The following TRMT1 variants were observed in gnomAD, a reference collection of about 807,000 sequenced individuals.
TRMT1 encodes tRNA (guanine(26)-N(2))-dimethyltransferase.
In TRMT1, 63 loss-of-function variants were observed where a neutral mutation model predicts 75.4. The observed-to-expected ratio is 0.84, with a 90% CI of 0.68 to 1.03. TRMT1 has a LOEUF of 1.03. TRMT1 is among the 50% of genes least tolerant of loss of function. The pLI, the probability that TRMT1 is intolerant of heterozygous loss-of-function variation, is 0.00. For missense variants in TRMT1, 870 were observed against 905.3 expected, an observed-to-expected ratio of 0.96 and a Z score of 0.50; for synonymous variants, 382 against 358.1, an observed-to-expected ratio of 1.07 and a Z score of -0.75.
rs1409036144 is a variant in TRMT1 at position 13,115,387 on chromosome 19, C to T, written c.533G>A (p.Arg178Lys). Residue 178 changes from arginine (R) to lysine (K), a missense_variant, in exon 5 of 17, where the codon AGA becomes AAA. By Grantham distance (26) the Arg-to-Lys change is conservative (BLOSUM62 2). Coordinates refer to ENST00000357720, the MANE Select transcript of TRMT1 (RefSeq NM_001136035.4). ...GGAGGCATCGTTTGCAACCACAGAT[C>T]TGAGCCCAGGCACCTCTAGGGCAAA... ...IRFALEVPGL[R>K]SVVANDASTR... 1.2e-6 allele frequency: 2 copies of T among 1,614,138 alleles called. No individual in the cohort carries two copies. The highest frequency in any genetic ancestry group is 2.2e-5 in the South Asian group (2 of 91,084).
chr19:13,113,877 T>C (rs1239521307), intron 5 of TRMT1, among the ~76,000 whole-genome samples: 2 of 152,146 alleles, frequency 1.3e-5, no homozygotes, highest in African/African-American at 2.4e-5. Context: ...TCCAAAGTGC[T>C]GGGATTACAG....
Position 13,107,774 on chromosome 19 carries a change from G to C in TRMT1, c.1483C>G (p.Leu495Val). 3 of 1,553,470 alleles carry C rather than the reference G, an allele frequency of 1.9e-6. No homozygotes were observed. The highest frequency in any genetic ancestry group is 2.6e-6 in the Non-Finnish European group (3 of 1,147,724). The stretch of plus-strand genomic sequence containing the variant: ...ACCCAGCAACGCATGATGTCCCAGA[G>C]GGCAGAGGCAGGGGCATCCGTCTTC... ...AVKTDAPASA[L>V]WDIMRCWEKE... Residue 495 changes from leucine to valine, a missense_variant, in exon 13 of 17, where the codon CTC becomes GTC. Coordinates refer to ENST00000357720, the MANE Select transcript of TRMT1 (RefSeq NM_001136035.4).
chr19:13,109,083 T>TGG (rs201503471), intron 12 of TRMT1, among the ~76,000 whole-genome samples: 2,252 of 147,482 alleles, frequency 0.015, 49 homozygotes, highest in African/African-American at 0.056. Context: ...GCCAGGCTAA[T>TGG]GGGTGTGTGT....
At chr19:13,105,932 G>A (rs2018848025) in intron 14 of TRMT1, among the ~76,000 whole-genome samples, 1 of 152,032 alleles carries the variant, frequency 6.6e-6, no homozygotes, top group Non-Finnish European at 1.5e-5. Flanking sequence ...CGTGGTGCCG[G>A]GTGCCTGTGA....
intron 5 of TRMT1, among the ~76,000 whole-genome samples, chr19:13,113,707 T>A (rs1212662009): frequency 5.9e-5 from 9 of 151,986 alleles, no homozygotes. Flanking sequence ...CCTCCTGGGT[T>A]CAAGCGATTC....
chr19:13,107,923 C>G, intron 12 of TRMT1, 64 bp from the exon 13 acceptor site: 1 of 1,387,144 alleles, frequency 7.2e-7, no homozygotes. Context: ...CCAAGCTGAC[C>G]AGCGTAGGTA....
At position 13,116,364 on chromosome 19, in the gene TRMT1, GA is replaced by G. The variant is rs1352655452; in HGVS notation, c.35del (p.Phe12SerfsTer73). On this transcript the variant is annotated frameshift_variant, in exon 2 of 17. Coordinates refer to ENST00000357720, the MANE Select transcript of TRMT1 (RefSeq NM_001136035.4). LOFTEE classifies it high-confidence loss of function. ...CTCTAGAGAGCACCCGGGCGGAGCG[GA>G]AAGTGAGGCTTAGCCACAGAGACGA... is the stretch of plus-strand genomic sequence containing the variant. ...QGSSLWLSLT[F>X]RSARVLSRAR... 1 of 1,611,452 alleles carries G rather than the reference GA, an allele frequency of 6.2e-7. No individual in the cohort carries two copies. Among genetic ancestry groups the G allele is most frequent in the African/African-American group, 1.3e-5 (1 of 74,906 alleles).
intron 4 of TRMT1, 64 bp downstream of exon 4, chr19:13,115,562 C>A (rs1202612565): frequency 6.8e-6 from 11 of 1,607,878 alleles, no homozygotes; most frequent in South Asian, 6.6e-5. Flanking sequence ...TAGCTCTCCC[C>A]CTCCAGGAGC....
chr19:13,114,618 C>T (rs972962808), intron 5 of TRMT1, among the ~76,000 whole-genome samples: 4 of 151,608 alleles, frequency 2.6e-5, no homozygotes, highest in African/African-American at 9.7e-5. Flanking sequence ...GCCAAGATCA[C>T]GCTAGTGCAC....
Position 13,116,699 on chromosome 19 carries a change from C to T in TRMT1, c.-79G>A. Reference sequence around the variant, plus strand: ...ACCGAATTAGTCAAGGTGCACGTTTCCCGAATTAGGACCTGGGCGCCGCCA... The same window carrying T: ...ACCGAATTAGTCAAGGTGCACGTTTTCCGAATTAGGACCTGGGCGCCGCCA... On this transcript the variant is annotated 5_prime_UTR_variant, in exon 1 of 17. Coordinates refer to ENST00000357720, the MANE Select transcript of TRMT1 (RefSeq NM_001136035.4). The T allele has an allele frequency of 2.5e-6, 1 of 407,752 alleles. No homozygotes were observed. Among genetic ancestry groups the T allele is most frequent in the Non-Finnish European group, 4.4e-6 (1 of 225,104 alleles). 25.3% of individuals were successfully genotyped at this position (407,752 alleles called of 1,614,324 possible).
chr19:13,109,124 A>G (rs2019015483), intron 12 of TRMT1, among the ~76,000 whole-genome samples: 6 of 149,668 alleles, frequency 4.0e-5, no homozygotes, highest in African/African-American at 1.5e-4. Context: ...ATACGTATGT[A>G]TGTGTGTGTA....
At chr19:13,112,565 C>A in intron 7 of TRMT1, 140 bp downstream of exon 7, 1 of 722,270 alleles carries the variant, frequency 1.4e-6, no homozygotes, top group South Asian at 1.8e-5. Flanking sequence ...ACACGCCTGT[C>A]GTTAACAGCC....
intron 12 of TRMT1, among the ~76,000 whole-genome samples, chr19:13,108,865 C>T (rs1037279187): frequency 6.6e-6 from 1 of 152,134 alleles, no homozygotes; most frequent in East Asian, 1.9e-4. Flanking sequence ...CCACCTCAGC[C>T]TCCCAAAGTG....
rs546559796 is a variant in TRMT1 at position 13,110,161 on chromosome 19, G to A, written c.1016C>T (p.Ala339Val). The change falls in exon 8 of 17, where the codon GCC becomes GTC. Residue 339 changes from alanine (A) to valine (V), a missense_variant. Physicochemically the swap from Ala to Val is moderately conservative, Grantham distance 64. Coordinates refer to ENST00000357720, the MANE Select transcript of TRMT1 (RefSeq NM_001136035.4). ...FTGQAKVKASASKQALVFQCV... is the reference protein window; with the variant it reads ...FTGQAKVKASVSKQALVFQCV... ...CGCTCTCTGCCCCCGGGCTGACCTGGCTGAGGCCTTGACCTTGGCCTGGCC... is the reference window on the plus strand; with the variant it reads ...CGCTCTCTGCCCCCGGGCTGACCTGACTGAGGCCTTGACCTTGGCCTGGCC... 6.2e-7 allele frequency: 1 copy of A among 1,612,208 alleles called. No homozygotes were observed. Among genetic ancestry groups the A allele is most frequent in the South Asian group, 1.1e-5 (1 of 90,992 alleles).
In TRMT1 at chr19:13,109,595, G is replaced by A. The variant is rs1318919165; in HGVS notation, c.1266C>T (p.Phe422=). 3 of 1,614,052 alleles carry A rather than the reference G, an allele frequency of 1.9e-6. No homozygotes were observed. The highest frequency in any genetic ancestry group is 2.5e-6 in the Non-Finnish European group (3 of 1,180,004). Residue 422 remains phenylalanine, a synonymous_variant, in exon 11 of 17, where the codon TTC becomes TTT. Transcript: ENST00000357720. The part of the protein sequence containing the change: ...LEAVSANPGR[F]HTSERIRGVL... Reference sequence around the variant, plus strand: ...CCCCTCGGATCCGCTCCGAGGTGTGGAAGCGGCCGGGGTTAGCGCTCACAG... The same window carrying A: ...CCCCTCGGATCCGCTCCGAGGTGTGAAAGCGGCCGGGGTTAGCGCTCACAG...
chr19:13,107,890 G>A (rs1220579635), intron 12 of TRMT1, 31 bp from the exon 13 acceptor site: 3 of 1,543,392 alleles, frequency 1.9e-6, no homozygotes, highest in Non-Finnish European at 2.6e-6. Flanking sequence ...TGAGGGAGAT[G>A]CCGGACTCCT....
intron 4 of TRMT1, 72 bp downstream of exon 4, chr19:13,115,554 G>C: frequency 6.2e-7 from 1 of 1,606,066 alleles, no homozygotes; most frequent in Non-Finnish European, 8.5e-7. Context: ...ACCTCCTATA[G>C]CTCTCCCCCT....
At chr19:13,105,719 G>T in intron 14 of TRMT1, 113 bp from the exon 15 acceptor site, 2 of 1,091,706 alleles carry the variant, frequency 1.8e-6, no homozygotes, top group South Asian at 1.6e-5. Flanking sequence ...GTCTGCTCAT[G>T]TCAGGATTCT....
In TRMT1 at chr19:13,109,976, C is replaced by T. The variant is rs749503049; in HGVS notation, c.1045G>A (p.Val349Met). 1.9e-6 allele frequency: 3 copies of T among 1,613,540 alleles called. No homozygotes were observed. The highest frequency in any genetic ancestry group is 2.5e-6 in the Non-Finnish European group (3 of 1,179,944). Reference protein sequence around the residue: ...ASKQALVFQCVGCGAFHLQRL... With the variant: ...ASKQALVFQCMGCGAFHLQRL... ...TGAAGGTGGAAGGCCCCGCAGCCCA[C>T]ACACTGGAACACCAGCGCCTGCTTG... The change falls in exon 9 of 17, where the codon GTG becomes ATG. Residue 349 changes from valine to methionine, a missense_variant. Physicochemically the swap from Val to Met is conservative, Grantham distance 21. Coordinates refer to ENST00000357720, the MANE Select transcript of TRMT1 (RefSeq NM_001136035.4).
Sources: allele counts gnomAD v4.1 joint callset (sites outside exome capture counted in the v4.1 genomes callset), GRCh38; gene constraint gnomAD v4.1.1; transcripts MANE v1.5; gene names NCBI Gene and HGNC (gene_info 2026-07-23, HGNC 2026-07-21).